The following C13orf42 variants were observed in gnomAD, a reference collection of about 807,000 sequenced individuals.
C13orf42 encodes the protein uncharacterized protein C13orf42.
At chr13:51,131,826 T>C (rs528770738) in intron 1 of C13orf42, among the ~76,000 whole-genome samples, 27 of 152,250 alleles carry the variant, frequency 1.8e-4, no homozygotes, top group Middle Eastern at 3.2e-3. Context: ...TCAAGAACTA[T>C]GGTACATTTG....
intron 2 of C13orf42, among the ~76,000 whole-genome samples, chr13:51,086,874 C>T (rs977305747): frequency 1.3e-5 from 2 of 152,116 alleles, no homozygotes; most frequent in Non-Finnish European, 2.9e-5. Context: ...TAAGAATAAG[C>T]TTGGGGAGCA....
intron 1 of C13orf42, among the ~76,000 whole-genome samples, chr13:51,157,505 G>C (rs1261321714): frequency 1.3e-5 from 2 of 152,200 alleles, no homozygotes; most frequent in Non-Finnish European, 1.5e-5. Context: ...CCAATGGACT[G>C]ACTTCTATTG....
chr13:51,117,462 T>C (rs1443945682), intron 1 of C13orf42, among the ~76,000 whole-genome samples: 1 of 152,192 alleles, frequency 6.6e-6, no homozygotes, highest in Non-Finnish European at 1.5e-5. Context: ...CTGCAGCATT[T>C]TATTGGAACT....
At chr13:51,151,508 G>A (rs1466551786) in intron 1 of C13orf42, among the ~76,000 whole-genome samples, 1 of 152,232 alleles carries the variant, frequency 6.6e-6, no homozygotes, top group East Asian at 1.9e-4. Context: ...ATCTAACCTA[G>A]AGAACTTCAT....
At chr13:51,140,580 A>C (rs1401899582) in intron 1 of C13orf42, among the ~76,000 whole-genome samples, 1 of 152,158 alleles carries the variant, frequency 6.6e-6, no homozygotes. Context: ...CTGAGGTCTG[A>C]GGGCACCCCC....
intron 1 of C13orf42, among the ~76,000 whole-genome samples, chr13:51,107,966 T>G (rs2408218): frequency 0.21 from 31,998 of 152,160 alleles, 4,120 homozygotes; most frequent in South Asian, 0.31. Context: ...GTAGCTTCTG[T>G]AGCTTAGAGC....
chr13:51,130,862 A>AAT (rs1054865589), intron 1 of C13orf42, among the ~76,000 whole-genome samples: 115 of 148,230 alleles, frequency 7.8e-4, no homozygotes, highest in African/African-American at 1.1e-3. Flanking sequence ...GTAAAAAAAA[A>AAT]ATATATATAT....
chr13:51,088,441 C>T (rs1001821505), intron 1 of C13orf42, among the ~76,000 whole-genome samples: 1 of 152,212 alleles, frequency 6.6e-6, no homozygotes, highest in African/African-American at 2.4e-5. Flanking sequence ...GTGAGACGCT[C>T]ACCACAGGAA....
chr13:51,118,861 AG>A (rs917314153), intron 1 of C13orf42, among the ~76,000 whole-genome samples: 2 of 152,126 alleles, frequency 1.3e-5, no homozygotes, highest in Non-Finnish European at 2.9e-5. Flanking sequence ...TAGTATGCCC[AG>A]GAATACAGCA....
At chr13:51,127,657 A>G (rs192141335) in intron 1 of C13orf42, among the ~76,000 whole-genome samples, 86 of 152,360 alleles carry the variant, frequency 5.6e-4, no homozygotes, top group Middle Eastern at 3.4e-3. Flanking sequence ...ATTTTGAAAT[A>G]TGTTAATAAT....
chr13:51,142,028 A>C (rs1013999846), intron 1 of C13orf42, among the ~76,000 whole-genome samples: 1 of 152,232 alleles, frequency 6.6e-6, no homozygotes, highest in Non-Finnish European at 1.5e-5. Flanking sequence ...AAAATTTGGC[A>C]TAGGGATTAC....
At chr13:51,113,110 A>G (rs1953451262), upstream of C13orf42, 1 of 152,246 alleles carries the variant, frequency 6.6e-6, no homozygotes, top group Non-Finnish European at 1.5e-5. Flanking sequence ...CTACCTCCAT[A>G]TCCAGAATGC....
At chr13:51,125,203 A>G (rs1593543573) in intron 1 of C13orf42, among the ~76,000 whole-genome samples, 1 of 152,354 alleles carries the variant, frequency 6.6e-6, no homozygotes, top group Non-Finnish European at 1.5e-5. Flanking sequence ...AGGTATAGCT[A>G]TAGGTCATAA....
At chr13:51,108,645 G>A (rs911776045) in intron 1 of C13orf42, among the ~76,000 whole-genome samples, 3 of 152,212 alleles carry the variant, frequency 2.0e-5, no homozygotes, top group African/African-American at 7.2e-5. Flanking sequence ...GAACAATTAC[G>A]TGCAGGAGCC....
At chr13:51,122,738 T>C (rs1377477147) in intron 1 of C13orf42, among the ~76,000 whole-genome samples, 1 of 152,200 alleles carries the variant, frequency 6.6e-6, no homozygotes, top group African/African-American at 2.4e-5. Context: ...AAATAACCTG[T>C]GACCAGTCTT....
At chr13:51,159,525 A>C (rs1371842608) in intron 1 of C13orf42, among the ~76,000 whole-genome samples, 1 of 152,192 alleles carries the variant, frequency 6.6e-6, no homozygotes, top group Non-Finnish European at 1.5e-5. Context: ...ATTAGAGTTG[A>C]ATTTTCGTTG....
At chr13:51,112,306 C>CTGAA (rs1395405278), upstream of C13orf42, among the ~76,000 whole-genome samples, 1 of 152,122 alleles carries the variant, frequency 6.6e-6, no homozygotes, top group Non-Finnish European at 1.5e-5. Flanking sequence ...TAAAGCATTA[C>CTGAA]TGAATGAATG....
At chr13:51,096,843 T>C (rs1282227917) in intron 1 of C13orf42, among the ~76,000 whole-genome samples, 1 of 152,244 alleles carries the variant, frequency 6.6e-6, no homozygotes, top group African/African-American at 2.4e-5. Flanking sequence ...ATGTAAATAA[T>C]ATGCATGGCT....
At chr13:51,165,577 G>A (rs979854633) in intron 1 of C13orf42, among the ~76,000 whole-genome samples, 17 of 152,282 alleles carry the variant, frequency 1.1e-4, no homozygotes, top group African/African-American at 3.4e-4. Flanking sequence ...AAGAGACAAC[G>A]TAAGAAGATG....
Sources: gnomAD v4.1 joint callset for allele counts (sites outside exome capture counted in the v4.1 genomes callset) on GRCh38, gnomAD v4.1.1 for gene constraint, MANE v1.5 for transcripts, NCBI Gene and HGNC (gene_info 2026-07-23, HGNC 2026-07-21) for gene names.